Variants in CLDN16 observed in about 807,000 individuals in gnomAD.
The protein encoded by CLDN16 is claudin-16.
Under a neutral mutation model 24.6 loss-of-function variants are expected in CLDN16, and 13 were observed. The ratio of observed to expected loss-of-function variants is 0.53; its 90% CI spans 0.34 to 0.84. CLDN16 has a LOEUF of 0.84. Among genes scored for constraint, CLDN16 ranks in the 40% least tolerant of loss-of-function variants. The pLI is 0.01. For missense variants in CLDN16, 298 were observed against 292.7 expected (o/e 1.02, Z -0.13); for synonymous variants, 116 against 106.7 (o/e 1.09, Z -0.54).
intron 2 of CLDN16, among the ~76,000 whole-genome samples, chr3:190,403,998 C>T (rs971909333): frequency 6.6e-6 from 1 of 152,096 alleles, no homozygotes; most frequent in Non-Finnish European, 1.5e-5. Flanking sequence ...CATAAGCTCA[C>T]TACGTAGAGA....
the CLDN16 span, among the ~76,000 whole-genome samples, chr3:190,314,870 C>G: frequency 3.9e-5 from 6 of 152,200 alleles, no homozygotes; most frequent in African/African-American, 1.4e-4. Context: ...CACATGCACA[C>G]TGACCCACAC....
chr3:190,406,177 C>T (rs535066447), intron 3 of CLDN16, among the ~76,000 whole-genome samples: 1 of 152,244 alleles, frequency 6.6e-6, no homozygotes, highest in South Asian at 2.1e-4. Context: ...AGCTGACTGC[C>T]TAACCCTTTG....
intron 1 of CLDN16, among the ~76,000 whole-genome samples, chr3:190,402,043 C>T (rs1286615565): frequency 1.3e-5 from 2 of 151,998 alleles, no homozygotes; most frequent in African/African-American, 4.8e-5. Flanking sequence ...TGGAAGCAGC[C>T]ACAGATATTT....
rs537245844 is a variant in CLDN16 at position 190,382,766 on chromosome 3, C to T, written n.306+8163C>T. Among the ~76,000 whole-genome samples the T allele has an allele frequency of 6.6e-5, 10 of 152,252 alleles. No homozygotes were observed. In the South Asian group the frequency reaches 2.1e-3, roughly 32 times the overall value. On this transcript the variant is annotated intron_variant and non_coding_transcript_variant, in intron 3 of 4. Coordinates refer to the CLDN16 transcript ENST00000468220. ...AACCCACTGTCACGTTTGCTCTGTTCCCTTTTTGAAAACAATTAAAATACT... is the reference window on the plus strand; with the variant it reads ...AACCCACTGTCACGTTTGCTCTGTTTCCTTTTTGAAAACAATTAAAATACT...
chr3:190,373,180 T>G (rs990746793), intron 2 of CLDN16, among the ~76,000 whole-genome samples: 1 of 151,908 alleles, frequency 6.6e-6, no homozygotes, highest in Admixed American at 6.6e-5. Flanking sequence ...ACTTTGAAAA[T>G]GAGGCTCAAG....
At chr3:190,322,025 T>C (rs1426719430), upstream of CLDN16, 5 of 1,614,236 alleles carry the variant, frequency 3.1e-6, no homozygotes, top group Non-Finnish European at 4.2e-6. Context: ...GCACTGGATC[T>C]GCCCGGTGCT....
chr3:190,326,378 C>G (rs561816742), intron 1 of CLDN16, among the ~76,000 whole-genome samples: 1 of 152,168 alleles, frequency 6.6e-6, no homozygotes, highest in Non-Finnish European at 1.5e-5. Flanking sequence ...TGAAAAGATA[C>G]GCAGTTTCTC....
At chr3:190,299,989 T>A in the CLDN16 span, among the ~76,000 whole-genome samples, 1 of 152,212 alleles carries the variant, frequency 6.6e-6, no homozygotes, top group Non-Finnish European at 1.5e-5. Flanking sequence ...AGAAGATGAC[T>A]GAGCAATGAT....
At position 190,377,049 on chromosome 3, in the gene CLDN16, C is replaced by A. The variant is rs146903416; in HGVS notation, n.306+2446C>A. 3.0e-3 allele frequency among the ~76,000 whole-genome samples: 458 copies of A among 152,000 alleles called. 4 individuals are homozygous for A. Among genetic ancestry groups the A allele is most frequent in the African/African-American group, 0.01 (421 of 41,512 alleles). On this transcript the variant is annotated intron_variant and non_coding_transcript_variant, in intron 3 of 4. Coordinates refer to the CLDN16 transcript ENST00000468220. ...GTGAGGAAAGGAGAAGGACAGAAAT[C>A]TTCCAGGCAACGGGAAGAGCCTTTT...
rs1459847820 is a variant in CLDN16 at position 190,407,785 on chromosome 3, A to T, written c.383-529A>T. ...ATTTGTGTTTGACCTCAAGACACTGAAATCAGTGACTTTAAAAACAGTTTT... is the reference window on the plus strand; with the variant it reads ...ATTTGTGTTTGACCTCAAGACACTGTAATCAGTGACTTTAAAAACAGTTTT... On this transcript the variant is annotated intron_variant, in intron 3 of 4. Coordinates refer to ENST00000264734, the MANE Select transcript of CLDN16 (RefSeq NM_006580.4). Among the ~76,000 whole-genome samples, 4 of 152,238 alleles carry T rather than the reference A, an allele frequency of 2.6e-5. No homozygotes were observed. The East Asian group carries it at 5.8e-4, about 22-fold the overall frequency.
At chr3:190,403,997 A>C (rs1719026189) in intron 2 of CLDN16, among the ~76,000 whole-genome samples, 1 of 152,184 alleles carries the variant, frequency 6.6e-6, no homozygotes, top group Admixed American at 6.5e-5. Context: ...TCATAAGCTC[A>C]CTACGTAGAG....
chr3:190,308,524 C>A, the CLDN16 span: 1 of 1,284,774 alleles, frequency 7.8e-7, no homozygotes. Flanking sequence ...AATCAATACT[C>A]ATTGTATTTT....
upstream of CLDN16, chr3:190,322,188 G>A (rs1402621591): frequency 6.2e-7 from 1 of 1,613,960 alleles, no homozygotes; most frequent in Non-Finnish European, 8.5e-7. Flanking sequence ...CCCAACAGCT[G>A]CAGCCCCGCG....
At chr3:190,369,978 T>G (rs1339212022) in intron 1 of CLDN16, among the ~76,000 whole-genome samples, 1 of 151,996 alleles carries the variant, frequency 6.6e-6, no homozygotes, top group Non-Finnish European at 1.5e-5. Context: ...AATTTTGTAT[T>G]CCGAGAAAGG....
intron 4 of CLDN16, 141 bp from the exon 5 acceptor site, chr3:190,409,762 G>A (rs1053116458): frequency 5.3e-6 from 4 of 755,838 alleles, no homozygotes; most frequent in African/African-American, 3.5e-5. Flanking sequence ...TGTCTTCTAG[G>A]ATTCTTCTTA....
chr3:190,324,766 T>C (rs186685443), intron 1 of CLDN16, among the ~76,000 whole-genome samples: 1 of 152,336 alleles, frequency 6.6e-6, no homozygotes, highest in African/African-American at 2.4e-5. Flanking sequence ...CTAGGCATCC[T>C]TAATCCTGTC....
chr3:190,317,854 G>T (rs575963679), upstream of CLDN16, among the ~76,000 whole-genome samples: 91 of 152,174 alleles, frequency 6.0e-4, no homozygotes, highest in Non-Finnish European at 6.9e-4. Flanking sequence ...GACACTTGCT[G>T]TTCAAACCTG....
At chr3:190,351,697 T>C (rs1717675113) in intron 1 of CLDN16, among the ~76,000 whole-genome samples, 2 of 152,220 alleles carry the variant, frequency 1.3e-5, no homozygotes, top group South Asian at 4.1e-4. Flanking sequence ...AGATTATCTG[T>C]TGCTGGGGAG....
chr3:190,408,833 CTATATACATA>C (rs1479719267), intron 4 of CLDN16, among the ~76,000 whole-genome samples: 13 of 120,842 alleles, frequency 1.1e-4, no homozygotes, highest in African/African-American at 3.2e-4. Flanking sequence ...TGTATATATA[CTATATACATA>C]TATATACACA....
Sources: allele counts gnomAD v4.1 joint callset (sites outside exome capture counted in the v4.1 genomes callset), GRCh38; gene constraint gnomAD v4.1.1; transcripts MANE v1.5; gene names NCBI Gene and HGNC (gene_info 2026-07-23, HGNC 2026-07-21).